Variants in GRIP1 observed in about 807,000 individuals in gnomAD.
GRIP1 encodes glutamate receptor interacting protein 1.
Under a neutral mutation model 129.9 loss-of-function variants are expected in GRIP1, and 45 were observed. The ratio of observed to expected loss-of-function variants is 0.35; its 90% confidence interval spans 0.27 to 0.44. The LOEUF is 0.44. GRIP1 is among the 20% of genes least tolerant of loss of function. GRIP1 has a pLI of 1.00. For synonymous variants in GRIP1, 530 were observed against 520.8 expected (o/e 1.02, Z -0.24); for missense variants, 1,196 against 1,396.8 (o/e 0.86, Z 2.29).
chr12:66,971,423 T>G (rs73315263), intron 1 of GRIP1, among the ~76,000 whole-genome samples: 6,428 of 152,294 alleles, frequency 0.042, 172 homozygotes, highest in East Asian at 0.087. Flanking sequence ...AAGTATTTAT[T>G]GAGAATTCAT....
chr12:66,692,071 C>T (rs144477608), intron 1 of GRIP1, among the ~76,000 whole-genome samples: 300 of 152,022 alleles, frequency 2.0e-3, no homozygotes, highest in Non-Finnish European at 2.6e-3. Context: ...TGCTTTTTTC[C>T]TCCCACCTTC....
At chr12:66,550,678 T>G (rs1440637106) in intron 2 of GRIP1, among the ~76,000 whole-genome samples, 1 of 152,178 alleles carries the variant, frequency 6.6e-6, no homozygotes, top group African/African-American at 2.4e-5. Flanking sequence ...GAGTGACATT[T>G]TATAATTCGT....
intron 1 of GRIP1, among the ~76,000 whole-genome samples, chr12:67,000,906 C>T (rs7973125): frequency 0.82 from 125,347 of 152,196 alleles, 52,146 homozygotes; most frequent in African/African-American, 0.93. Context: ...GGATGCCCCA[C>T]GCAATATTTG....
At chr12:66,852,593 T>C (rs1160280582) in intron 1 of GRIP1, among the ~76,000 whole-genome samples, 1 of 151,438 alleles carries the variant, frequency 6.6e-6, no homozygotes, top group Non-Finnish European at 1.5e-5. Flanking sequence ...TATATATGTA[T>C]ATATGTACAT....
At chr12:66,582,057 A>G (rs1299021584) in intron 2 of GRIP1, among the ~76,000 whole-genome samples, 1 of 152,220 alleles carries the variant, frequency 6.6e-6, no homozygotes, top group East Asian at 1.9e-4. Flanking sequence ...CTTATCCACC[A>G]TGATCAAGTG....
At chr12:66,677,141 C>T (rs2034373671) in intron 1 of GRIP1, among the ~76,000 whole-genome samples, 1 of 152,158 alleles carries the variant, frequency 6.6e-6, no homozygotes, top group Admixed American at 6.5e-5. Context: ...GGTAGCAACT[C>T]CAAAGCAGTT....
intron 1 of GRIP1, among the ~76,000 whole-genome samples, chr12:66,963,320 T>A (rs1283235660): frequency 1.3e-5 from 2 of 151,848 alleles, no homozygotes; most frequent in East Asian, 3.9e-4. Flanking sequence ...CTCAAAAAAA[T>A]AAATAAATAA....
Position 66,913,240 on chromosome 12 carries a change from C to G in GRIP1, c.58+155810G>C, listed in dbSNP as rs368789057. 1.1e-4 allele frequency among the ~76,000 whole-genome samples: 16 copies of G among 152,320 alleles called. No individual in the cohort carries two copies. The East Asian group carries it at 2.3e-3, about 22-fold the overall frequency. ...CTTCTCAAAGCTTTTAATTAGCTCACAAGCAATGTGGACCTCCCAAAGTAG... is the reference window on the plus strand; with the variant it reads ...CTTCTCAAAGCTTTTAATTAGCTCAGAAGCAATGTGGACCTCCCAAAGTAG... On this transcript the variant is annotated intron_variant, in intron 1 of 1. Transcript: ENST00000643019.
intron 1 of GRIP1, among the ~76,000 whole-genome samples, chr12:66,925,477 T>A (rs2041281044): frequency 6.6e-6 from 1 of 152,120 alleles, no homozygotes; most frequent in Non-Finnish European, 1.5e-5. Context: ...TCTGAAGTCA[T>A]GTAGAGGGAT....
chr12:66,789,329 A>C (rs1034111967), intron 1 of GRIP1, among the ~76,000 whole-genome samples: 2 of 152,154 alleles, frequency 1.3e-5, no homozygotes, highest in Non-Finnish European at 2.9e-5. Flanking sequence ...GAAATAAGTG[A>C]ATCAGGAGGA....
chr12:66,951,165 T>C (rs908598500), intron 1 of GRIP1, among the ~76,000 whole-genome samples: 2 of 152,194 alleles, frequency 1.3e-5, no homozygotes, highest in African/African-American at 4.8e-5. Flanking sequence ...TTAAATGCTA[T>C]GAAGTCTGAT....
At chr12:66,835,449 A>G (rs556316712) in intron 1 of GRIP1, among the ~76,000 whole-genome samples, 3 of 152,232 alleles carry the variant, frequency 2.0e-5, no homozygotes, top group Admixed American at 6.5e-5. Flanking sequence ...ATCATTGTTT[A>G]TATCAATGAA....
At chr12:66,723,239 TCTTCCTTCCTTC>T (rs1187415539) in intron 1 of GRIP1, among the ~76,000 whole-genome samples, 3 of 23,600 alleles carry the variant, frequency 1.3e-4, no homozygotes, top group East Asian at 1.5e-3. Context: ...TCTCTCTCTC[TCTTCCTTCCTTC>T]CTTCCTTCCT....
intron 1 of GRIP1, among the ~76,000 whole-genome samples, chr12:66,950,736 A>C (rs983941226): frequency 1.3e-5 from 2 of 152,128 alleles, no homozygotes. Context: ...TTATAGCCAA[A>C]AATTTGACAC....
At chr12:67,044,180 CA>C (rs1324053246) in intron 1 of GRIP1, among the ~76,000 whole-genome samples, 1 of 152,174 alleles carries the variant, frequency 6.6e-6, no homozygotes, top group Non-Finnish European at 1.5e-5. Context: ...AGCTCATTCC[CA>C]GGGGGATATA....
chr12:66,592,764 T>A (rs1274256515), intron 2 of GRIP1, among the ~76,000 whole-genome samples: 1 of 152,156 alleles, frequency 6.6e-6, no homozygotes, highest in Non-Finnish European at 1.5e-5. Flanking sequence ...TATTGCAAAA[T>A]ATGCCAAACT....
In GRIP1 at chr12:66,859,252, A is replaced by T. The variant is rs1210878619; in HGVS notation, c.58+209798T>A. Among the ~76,000 whole-genome samples, 11 of 128,966 alleles carry T rather than the reference A, an allele frequency of 8.5e-5. 1 individual carries two copies. The highest frequency in any genetic ancestry group is 2.4e-4 in the East Asian group (1 of 4,248). The allele number at this position is 128,966 out of a possible 152,430, so 84.6% of individuals were successfully genotyped here. ...CCCAAAAGACTAGCATATTCTCCAC[A>T]TTTTCTGAAAAAAAACAAAAAAACA... is the stretch of plus-strand genomic sequence containing the variant. On this transcript the variant is annotated intron_variant, in intron 1 of 1. Transcript: ENST00000643019.
At chr12:66,390,445 T>C (rs963322463) in intron 19 of GRIP1, among the ~76,000 whole-genome samples, 2 of 152,240 alleles carry the variant, frequency 1.3e-5, no homozygotes, top group African/African-American at 4.8e-5. Flanking sequence ...TAAAAATGTC[T>C]AAATTATAAA....
intron 1 of GRIP1, among the ~76,000 whole-genome samples, chr12:66,843,861 C>T (rs2039765901): frequency 6.6e-6 from 1 of 151,988 alleles, no homozygotes; most frequent in Admixed American, 6.6e-5. Context: ...TACAAGAAAA[C>T]TCAGAGAAAA....
Sources: allele counts gnomAD v4.1 joint callset (sites outside exome capture counted in the v4.1 genomes callset), GRCh38; gene constraint gnomAD v4.1.1; transcripts MANE v1.5; gene names NCBI Gene and HGNC (gene_info 2026-07-23, HGNC 2026-07-21).